Variants in EPB41L4A observed in about 807,000 individuals in gnomAD.
EPB41L4A encodes erythrocyte membrane protein band 4.1 like 4A.
In EPB41L4A, 100 loss-of-function variants were observed where a neutral mutation model predicts 108.6. The observed-to-expected ratio is 0.92, with a 90% CI of 0.78 to 1.09. EPB41L4A has a LOEUF of 1.09. Among genes scored for constraint, EPB41L4A ranks in the 50% least tolerant of loss-of-function variants. The pLI is 0.00. For synonymous variants in EPB41L4A, 319 were observed against 289.0 expected (o/e 1.10, Z -1.05); for missense variants, 1,030 against 842.7 (o/e 1.22, Z -2.75).
intron 1 of EPB41L4A, among the ~76,000 whole-genome samples, chr5:112,337,845 A>C (rs1757022211): frequency 6.6e-6 from 1 of 152,172 alleles, no homozygotes; most frequent in Non-Finnish European, 1.5e-5. Flanking sequence ...TCACAGATGG[A>C]AGCCTTTGGG....
chr5:112,252,870 A>G lies in EPB41L4A; in HGVS notation c.795+6359T>C, dbSNP rs192527448. ...TGAAAGTATTAAAAAAAAAATAGGT[A>G]TGTAATGTATTTTAAACCATTGAAA... On this transcript the variant is annotated intron_variant, in intron 9 of 22. Transcript: ENST00000261486. Among the ~76,000 whole-genome samples the G allele has an allele frequency of 3.3e-5, 5 of 152,118 alleles. No individual in the cohort carries two copies. The East Asian group carries it at 7.7e-4, about 24-fold the overall frequency.
chr5:112,262,566 A>T lies in EPB41L4A; in HGVS notation c.570T>A (p.Ser190=). Residue 190 remains serine (S), a synonymous_variant, in exon 7 of 23, where the codon TCT becomes TCA. Transcript: ENST00000261486. ...TCCTCAAGTAATTCAGCTCAGCCTC[A>T]GAAGGAATCTGACCCCTACACCCAG... The part of the protein sequence containing the change: ...IHKTLMGQIP[S]EAELNYLRTA... 6.2e-7 allele frequency: 1 copy of T among 1,614,154 alleles called. No individual in the cohort carries two copies. Among genetic ancestry groups the T allele is most frequent in the Non-Finnish European group, 8.5e-7 (1 of 1,179,976 alleles).
At chr5:112,267,606 T>G (rs546557929) in intron 4 of EPB41L4A, among the ~76,000 whole-genome samples, 1 of 152,260 alleles carries the variant, frequency 6.6e-6, no homozygotes, top group South Asian at 2.1e-4. Flanking sequence ...TCACCAAATA[T>G]GCTGTTTCTG....
Position 112,369,584 on chromosome 5 carries a change from G to A in EPB41L4A, c.99+49357C>T, listed in dbSNP as rs1207074112. On this transcript the variant is annotated intron_variant, in intron 1 of 22. Coordinates refer to ENST00000261486, the MANE Select transcript of EPB41L4A (RefSeq NM_022140.5). Reference sequence around the variant, plus strand: ...ATAATGGAAACCATGCACTATGCTGGTTATTTTTTTAATTGACTTATTGAA... The same window carrying A: ...ATAATGGAAACCATGCACTATGCTGATTATTTTTTTAATTGACTTATTGAA... Among the ~76,000 whole-genome samples, 3 of 152,056 alleles carry A rather than the reference G, an allele frequency of 2.0e-5. No homozygotes were observed. In the East Asian group the frequency reaches 5.8e-4, roughly 29 times the overall value.
chr5:112,256,263 T>A (rs900459481), intron 9 of EPB41L4A, among the ~76,000 whole-genome samples: 1 of 152,148 alleles, frequency 6.6e-6, no homozygotes. Flanking sequence ...AACTAACACA[T>A]AGTGATAAAA....
At chr5:112,312,787 T>G (rs1051708642) in intron 1 of EPB41L4A, among the ~76,000 whole-genome samples, 1 of 152,170 alleles carries the variant, frequency 6.6e-6, no homozygotes, top group African/African-American at 2.4e-5. Flanking sequence ...CTTATACACA[T>G]GGATAATTTC....
At chr5:112,261,285 T>C (rs1751466756) in intron 7 of EPB41L4A, among the ~76,000 whole-genome samples, 1 of 152,172 alleles carries the variant, frequency 6.6e-6, no homozygotes, top group Admixed American at 6.5e-5. Context: ...AGATTGTTTC[T>C]TCTTGGAGGA....
intron 20 of EPB41L4A, 96 bp from the exon 21 acceptor site, chr5:112,169,201 T>G: frequency 1.2e-6 from 1 of 867,184 alleles, no homozygotes. Context: ...GAATAACAAC[T>G]TTCAGAGTTT....
At chr5:112,175,240 C>T (rs1319103734) in intron 18 of EPB41L4A, 1 of 152,226 alleles carries the variant, frequency 6.6e-6, no homozygotes, top group Non-Finnish European at 1.5e-5. Flanking sequence ...ATTGTTTACG[C>T]TTTAATACCT....
chr5:112,390,476 T>C (rs1760863646), intron 1 of EPB41L4A, among the ~76,000 whole-genome samples: 1 of 152,108 alleles, frequency 6.6e-6, no homozygotes. Flanking sequence ...AGCTGTGAGC[T>C]GACAGCCTGG....
intron 2 of EPB41L4A, among the ~76,000 whole-genome samples, chr5:112,282,847 T>TATC (rs1753055622): frequency 2.0e-5 from 3 of 152,298 alleles, no homozygotes; most frequent in Admixed American, 1.3e-4. Flanking sequence ...TTTCTCCTCC[T>TATC]ATCATCATCA....
intron 12 of EPB41L4A, among the ~76,000 whole-genome samples, chr5:112,232,940 C>A (rs776978686): frequency 3.9e-5 from 6 of 152,082 alleles, no homozygotes; most frequent in Admixed American, 3.9e-4. Context: ...CACAAACTAA[C>A]GTCAGCAATA....
At chr5:112,344,439 G>A (rs1561589969) in intron 1 of EPB41L4A, among the ~76,000 whole-genome samples, 1 of 152,202 alleles carries the variant, frequency 6.6e-6, no homozygotes, top group South Asian at 2.1e-4. Context: ...AGGCAAGACT[G>A]GTTTATAGTG....
intron 12 of EPB41L4A, among the ~76,000 whole-genome samples, chr5:112,215,725 T>A (rs868299782): frequency 1.6e-5 from 2 of 127,484 alleles, no homozygotes; most frequent in African/African-American, 3.0e-5. Flanking sequence ...ATCGCGCCAC[T>A]GCATTCCAGC....
At chr5:112,185,418 T>G (rs947656524) in intron 17 of EPB41L4A, among the ~76,000 whole-genome samples, 1 of 152,220 alleles carries the variant, frequency 6.6e-6, no homozygotes, top group Non-Finnish European at 1.5e-5. Flanking sequence ...TGACAAATAT[T>G]CATTTCACAT....
In EPB41L4A at chr5:112,165,082, T is replaced by C. The variant is rs1245012336; in HGVS notation, c.1969A>G (p.Lys657Glu). 5.0e-6 allele frequency: 8 copies of C among 1,609,836 alleles called. No homozygotes were observed. The East Asian group carries it at 1.8e-4, about 36-fold the overall frequency. ...NGSKDSLMEEKPQTSTNNLAG... is the reference protein window; with the variant it reads ...NGSKDSLMEEEPQTSTNNLAG... ...AGGTTGTTTGTAGATGTCTGAGGTT[T>C]TTCTTCCATCAGGCTATCTTTAGAC... is the stretch of plus-strand genomic sequence containing the variant. The change falls in exon 23 of 23, where the codon AAA becomes GAA. Residue 657 changes from lysine (K) to glutamate (E), a missense_variant. Coordinates refer to ENST00000261486, the MANE Select transcript of EPB41L4A (RefSeq NM_022140.5).
exon 14 of EPB41L4A, chr5:112,142,958 G>GA (rs1410188963): frequency 6.6e-6 from 1 of 152,156 alleles, no homozygotes; most frequent in Non-Finnish European, 1.5e-5. Flanking sequence ...TGAGCCATGA[G>GA]AGGATTCACA....
intron 4 of EPB41L4A, among the ~76,000 whole-genome samples, chr5:112,273,144 C>T (rs1044108367): frequency 6.6e-6 from 1 of 152,100 alleles, no homozygotes; most frequent in African/African-American, 2.4e-5. Flanking sequence ...TCATGCAAAT[C>T]AATAATAAAA....
intron 7 of EPB41L4A, 44 bp from the exon 8 acceptor site, chr5:112,260,023 A>G: frequency 7.4e-7 from 1 of 1,354,788 alleles, no homozygotes; most frequent in Non-Finnish European, 1.1e-6. Context: ...TTCACATAAA[A>G]TCTCTTTGTC....
Sources: allele counts gnomAD v4.1 joint callset (sites outside exome capture counted in the v4.1 genomes callset), GRCh38; gene constraint gnomAD v4.1.1; transcripts MANE v1.5; gene names NCBI Gene and HGNC (gene_info 2026-07-23, HGNC 2026-07-21).